Variants in GABRG3 observed in about 807,000 individuals in gnomAD.
GABRG3 encodes the protein gamma-aminobutyric acid receptor subunit gamma-3.
A neutral mutation model predicts 48.8 loss-of-function variants in GABRG3; 25 were observed. The observed-to-expected ratio is 0.51, with a 90% CI of 0.37 to 0.72. The LOEUF (loss-of-function observed/expected upper bound fraction) is 0.72. GABRG3 is among the 30% of genes least tolerant of loss of function. The pLI, the probability that GABRG3 is intolerant of heterozygous loss-of-function variation, is 0.00. For missense variants in GABRG3, 394 were observed against 577.9 expected (o/e 0.68, Z 3.26); for synonymous variants, 227 against 217.6 (o/e 1.04, Z -0.38).
intron 2 of GABRG3, among the ~76,000 whole-genome samples, chr15:27,016,220 TTTTCTTTC>T (rs751111167): frequency 1.0e-4 from 15 of 148,280 alleles, no homozygotes; most frequent in African/African-American, 3.5e-4. Flanking sequence ...TTTCCTTCCC[TTTTCTTTC>T]TTTCTTTCTT....
intron 3 of GABRG3, among the ~76,000 whole-genome samples, chr15:27,203,412 G>A (rs1436788051): frequency 6.6e-6 from 1 of 152,058 alleles, no homozygotes; most frequent in African/African-American, 2.4e-5. Context: ...TCTATGATAT[G>A]TATGTACCAC....
chr15:27,130,807 T>G (rs561766512), intron 3 of GABRG3, among the ~76,000 whole-genome samples: 1 of 152,136 alleles, frequency 6.6e-6, no homozygotes, highest in Non-Finnish European at 1.5e-5. Flanking sequence ...TTAATTTTCT[T>G]TACAGATTGT....
At position 27,388,214 on chromosome 15, in the gene GABRG3, G is replaced by GA. The variant is rs1209013224; in HGVS notation, c.574+59327dup. Among the ~76,000 whole-genome samples the GA allele has an allele frequency of 7.9e-3, 265 of 33,554 alleles. 1 individual carries two copies. The highest frequency in any genetic ancestry group is 9.8e-3 in the East Asian group (2 of 204). The allele number at this position is 33,554 out of a possible 152,430, so 22.0% of individuals were successfully genotyped here. On this transcript the variant is annotated intron_variant, in intron 5 of 9. Coordinates refer to ENST00000615808, the MANE Select transcript of GABRG3 (RefSeq NM_033223.5). Reference sequence around the variant, plus strand: ...AGGGTAAGGAAGGAAGGAAGGAAAGGAGGAAGGAAGGAAAGGGAGGAGGGA... The same window carrying GA: ...AGGGTAAGGAAGGAAGGAAGGAAAGGAAGGAAGGAAGGAAAGGGAGGAGGGA...
intron 2 of GABRG3, among the ~76,000 whole-genome samples, chr15:27,018,947 CAG>C (rs1895828304): frequency 6.7e-6 from 1 of 149,198 alleles, no homozygotes. Context: ...TCCTCAGAGA[CAG>C]GGAATTTGTG....
intron 3 of GABRG3, among the ~76,000 whole-genome samples, chr15:27,193,038 G>C (rs923591114): frequency 2.6e-5 from 4 of 152,036 alleles, no homozygotes; most frequent in Admixed American, 2.6e-4. Context: ...GTGGTTTTTC[G>C]TGAACCGCGA....
chr15:27,508,310 A>G (rs1890809297), intron 6 of GABRG3, among the ~76,000 whole-genome samples: 1 of 152,222 alleles, frequency 6.6e-6, no homozygotes, highest in Admixed American at 6.5e-5. Context: ...GTGTATAACA[A>G]TCTTTTAAAA....
chr15:27,133,156 G>T (rs1221529789), intron 3 of GABRG3, among the ~76,000 whole-genome samples: 25 of 151,892 alleles, frequency 1.6e-4, no homozygotes, highest in East Asian at 1.9e-4. Flanking sequence ...CTATTATTGA[G>T]ATTTTTTTCC....
chr15:27,170,712 G>T (rs1887540039), intron 3 of GABRG3, among the ~76,000 whole-genome samples: 1 of 152,218 alleles, frequency 6.6e-6, no homozygotes, highest in South Asian at 2.1e-4. Flanking sequence ...GAACATGACA[G>T]TGGAGGTGTG....
intron 5 of GABRG3, among the ~76,000 whole-genome samples, chr15:27,351,434 G>T (rs1207601452): frequency 1.4e-5 from 2 of 144,920 alleles, no homozygotes; most frequent in African/African-American, 2.6e-5. Context: ...TGTGTGTATG[G>T]TGTGTGTGTA....
intron 5 of GABRG3, among the ~76,000 whole-genome samples, chr15:27,375,155 T>A (rs1038620580): frequency 1.3e-5 from 2 of 152,112 alleles, no homozygotes; most frequent in Non-Finnish European, 2.9e-5. Context: ...GTAACAAAAG[T>A]ATGTAGGTGT....
Position 27,179,515 on chromosome 15 carries a change from A to T in GABRG3, c.271-147294A>T, listed in dbSNP as rs1025283276. On this transcript the variant is annotated intron_variant, in intron 3 of 9. Transcript: ENST00000615808. This position sits in a 1 kb window ranked among gnomAD's most constrained non-coding sequence, Gnocchi z 4.0. ...TTTATGCTTGGTCTGGCTCTGAGAA[A>T]TTTATCATTTTCCCCATTGGTAGAG... 1.3e-5 allele frequency among the ~76,000 whole-genome samples: 2 copies of T among 152,174 alleles called. No individual in the cohort carries two copies.
chr15:27,135,571 C>G (rs564517807), intron 3 of GABRG3, among the ~76,000 whole-genome samples: 1 of 152,090 alleles, frequency 6.6e-6, no homozygotes. Flanking sequence ...CAAATAATGT[C>G]AAATTTTTAG....
rs888525204 is a variant in GABRG3, at chr15:27,537,191, C to T, written c.*4310C>T. 6 of 148,452 alleles carry T rather than the reference C, an allele frequency of 4.0e-5. No homozygotes were observed. Among genetic ancestry groups the T allele is most frequent in the Admixed American group, 2.7e-4 (4 of 14,884 alleles). The allele number at this position is 148,452 out of a possible 1,614,324, so 9.2% of individuals were successfully genotyped here. ...AATCTGATGTAAATATACATTGAAA[C>T]GTTAAGTTCTATTTGTACTGAAACA... On this transcript the variant is annotated 3_prime_UTR_variant, in exon 10 of 10. Transcript: ENST00000615808.
intron 5 of GABRG3, among the ~76,000 whole-genome samples, chr15:27,395,872 T>A (rs922336757): frequency 2.6e-5 from 4 of 152,164 alleles, no homozygotes; most frequent in African/African-American, 4.8e-5. Context: ...ATTGGACATT[T>A]TTTTTTGAGA....
At chr15:27,258,929 T>A (rs1890697037) in intron 3 of GABRG3, among the ~76,000 whole-genome samples, 1 of 152,176 alleles carries the variant, frequency 6.6e-6, no homozygotes, top group Non-Finnish European at 1.5e-5. Context: ...CAGCCTCTAA[T>A]ACTCAGTTTA....
chr15:27,323,375 G>A (rs865905119), intron 3 of GABRG3, among the ~76,000 whole-genome samples: 6 of 152,094 alleles, frequency 3.9e-5, no homozygotes, highest in Admixed American at 2.6e-4. Flanking sequence ...ATTATTGATC[G>A]CATTGGCGGG....
At chr15:27,306,337 A>AT (rs1566767809) in intron 3 of GABRG3, among the ~76,000 whole-genome samples, 3 of 128,146 alleles carry the variant, frequency 2.3e-5, no homozygotes, top group Non-Finnish European at 5.0e-5. Flanking sequence ...TATAAACATA[A>AT]AATATAAACA....
At chr15:27,246,619 A>G (rs1890278826) in intron 3 of GABRG3, among the ~76,000 whole-genome samples, 1 of 152,202 alleles carries the variant, frequency 6.6e-6, no homozygotes, top group Non-Finnish European at 1.5e-5. Flanking sequence ...AGTAATATCA[A>G]ATTTGGGCAA....
chr15:27,393,171 C>T (rs866285590), intron 5 of GABRG3, among the ~76,000 whole-genome samples: 2 of 151,960 alleles, frequency 1.3e-5, no homozygotes, highest in African/African-American at 2.4e-5. Context: ...GGTGAAACCC[C>T]ATCTCTACTA....
Sources: allele counts gnomAD v4.1 joint callset (sites outside exome capture counted in the v4.1 genomes callset), GRCh38; gene constraint gnomAD v4.1.1; non-coding constraint Gnocchi (gnomAD v3.1); transcripts MANE v1.5; gene names NCBI Gene and HGNC (gene_info 2026-07-23, HGNC 2026-07-21).